The following HYAL1 variants were observed in gnomAD, a reference collection of about 807,000 sequenced individuals.
The protein encoded by HYAL1 is hyaluronidase 1.
In HYAL1, 21 loss-of-function variants were observed where a neutral mutation model predicts 28.8. That is an observed-to-expected ratio of 0.73 (90% confidence interval 0.52 to 1.05). The LOEUF (loss-of-function observed/expected upper bound fraction) is 1.05. Ranked by LOEUF, HYAL1 falls within the 50% of genes least tolerant of loss-of-function variation. HYAL1 has a pLI of 0.00. For synonymous variants in HYAL1, 200 were observed against 230.1 expected (o/e 0.87, Z 1.18); for missense variants, 491 against 579.2 (o/e 0.85, Z 1.56).
Position 50,302,634 on chromosome 3 carries a change from C to G in HYAL1, c.323G>C (p.Arg108Pro). ...GGCAGCCAGGATGTCCTGGAATGTGCGGGCCAGGTGGGCAATCAGGCTGGC... is the reference window on the plus strand; with the variant it reads ...GGCAGCCAGGATGTCCTGGAATGTGGGGGCCAGGTGGGCAATCAGGCTGGC... ...QNASLIAHLA[R>P]TFQDILAAIP... Residue 108 changes from arginine (R) to proline (P), a missense_variant, in exon 2 of 4, where the codon CGC (arginine) becomes CCC (proline). Arg to Pro is a moderately radical substitution (Grantham distance 103). Coordinates refer to ENST00000395144, the MANE Select transcript of HYAL1 (RefSeq NM_033159.4). The surrounding 1 kb of genome is among the most constrained non-coding windows in gnomAD (Gnocchi z 5.0). The G allele has an allele frequency of 6.2e-7, 1 of 1,614,138 alleles. No homozygotes were observed. The highest frequency in any genetic ancestry group is 8.5e-7 in the Non-Finnish European group (1 of 1,180,038).
intron 2 of HYAL1, 43 bp from the exon 3 acceptor site, chr3:50,301,120 C>T: frequency 7.7e-7 from 1 of 1,302,116 alleles, no homozygotes; most frequent in South Asian, 1.2e-5. Flanking sequence ...TCCTTCCCAC[C>T]ATGTGGCAGA....
Position 50,300,311 on chromosome 3 carries a change from C to G in HYAL1, c.*172G>C. On this transcript the variant is annotated 3_prime_UTR_variant, in exon 4 of 4. Coordinates refer to ENST00000395144, the MANE Select transcript of HYAL1 (RefSeq NM_033159.4). ...GCTGTGGTTCTAACTCCTTATGCCA[C>G]TATTCCAGTCTGTAAGTATGCATGT... The G allele has an allele frequency of 1.4e-6, 1 of 692,092 alleles. No homozygotes were observed. Among genetic ancestry groups the G allele is most frequent in the East Asian group, 2.7e-5 (1 of 36,856 alleles). The allele number at this position is 692,092 out of a possible 1,614,324, so 42.9% of individuals were successfully genotyped here. A position where few individuals can be genotyped will look rare whatever the true frequency, so the allele number is the denominator to read the frequency against.
rs183724616 is a variant in HYAL1, at chr3:50,310,420, C to T, written c.-309-643G>A. On this transcript the variant is annotated intron_variant, in intron 1 of 5. Coordinates refer to the HYAL1 transcript ENST00000320295. ...CTGGGACTACAGGCAACCACCACCA[C>T]GCCCGGCTATTTTTTTTTTGTATTT... Among the ~76,000 whole-genome samples the T allele has an allele frequency of 1.9e-4, 28 of 149,842 alleles. No homozygotes were observed. In the East Asian group the frequency reaches 4.3e-3, roughly 23 times the overall value.
upstream of HYAL1, among the ~76,000 whole-genome samples, chr3:50,307,691 A>C (rs1267377220): frequency 1.3e-5 from 2 of 149,680 alleles, no homozygotes; most frequent in Non-Finnish European, 1.5e-5. Context: ...AAAAAAAAAA[A>C]AAAAAAAAAA....
chr3:50,309,885 T>C (rs1702413142), intron 1 of HYAL1: 1 of 151,528 alleles, frequency 6.6e-6, no homozygotes, highest in Admixed American at 6.6e-5. Context: ...TCATGGGTAT[T>C]TGATGGCACA....
Position 50,302,085 on chromosome 3 carries a change from T to C in HYAL1, c.872A>G (p.Tyr291Cys), listed in dbSNP as rs782313024. 15 of 1,614,200 alleles carry C rather than the reference T, an allele frequency of 9.3e-6. No individual in the cohort carries two copies. The East Asian group carries it at 2.5e-4, about 26-fold the overall frequency. The change falls in exon 2 of 4, where the codon TAT (tyrosine) becomes TGT (cysteine). Residue 291 changes from tyrosine (Y) to cysteine (C), a missense_variant. Coordinates refer to ENST00000395144, the MANE Select transcript of HYAL1 (RefSeq NM_033159.4). The surrounding 1 kb of genome is among the most constrained non-coding windows in gnomAD (Gnocchi z 5.0). ...LPVLPYVQIF[Y>C]DTTNHFLPLD... is the part of the protein sequence containing the mutation. ...GGGCAGAAAGTGGTTTGTCGTGTCATAGAAGATCTGGACATAGGGCAGCAC... is the reference window on the plus strand; with the variant it reads ...GGGCAGAAAGTGGTTTGTCGTGTCACAGAAGATCTGGACATAGGGCAGCAC...
intron 1 of HYAL1, among the ~76,000 whole-genome samples, chr3:50,311,062 C>G (rs1702436781): frequency 6.6e-6 from 1 of 152,164 alleles, no homozygotes; most frequent in African/African-American, 2.4e-5. Context: ...TCCCACCTTT[C>G]TAGTCCACAA....
upstream of HYAL1, among the ~76,000 whole-genome samples, chr3:50,307,330 C>T (rs1259339234): frequency 6.6e-6 from 1 of 150,676 alleles, no homozygotes; most frequent in Non-Finnish European, 1.5e-5. Flanking sequence ...TGCCACTGCA[C>T]TCCAGCCTGG....
chr3:50,305,992 G>T (rs1702328652), upstream of HYAL1, among the ~76,000 whole-genome samples: 1 of 151,416 alleles, frequency 6.6e-6, no homozygotes, highest in Admixed American at 6.6e-5. Flanking sequence ...TAAATTAACT[G>T]AGAGCTGTCT....
rs1166847205 is a variant in HYAL1, at chr3:50,310,487, C to T, written c.-309-710G>A. Among the ~76,000 whole-genome samples the T allele has an allele frequency of 2.1e-4, 32 of 151,106 alleles. 1 individual carries two copies. Among genetic ancestry groups the T allele is most frequent in the Non-Finnish European group, 7.4e-5 (5 of 67,920 alleles). On this transcript the variant is annotated intron_variant, in intron 1 of 5. Transcript: ENST00000320295. ...TTCACCGTGTTAGCCAGAATGGTCT[C>T]GATCTCCTGACCTCGTGATCTGCCC...
At chr3:50,304,299 ATATATATATATATAT>A (rs1702290838), upstream of HYAL1, among the ~76,000 whole-genome samples, 23 of 27,830 alleles carry the variant, frequency 8.3e-4, no homozygotes, top group East Asian at 3.9e-3. Flanking sequence ...AAAAAAAAAT[ATATATATATATATAT>A]ATATATATAT....
intron 2 of HYAL1, 55 bp from the exon 3 acceptor site, chr3:50,301,132 T>A (rs1575513481): frequency 1.0e-5 from 12 of 1,180,722 alleles, no homozygotes; most frequent in Admixed American, 1.8e-5. Flanking sequence ...TGTGGCAGAC[T>A]GCTGGAACAC....
At chr3:50,311,818 C>G (rs1395219567) in intron 1 of HYAL1, among the ~76,000 whole-genome samples, 5 of 141,764 alleles carry the variant, frequency 3.5e-5, no homozygotes, top group Admixed American at 7.0e-5. Flanking sequence ...CCTCACCTCC[C>G]GGATGGGGCG....
upstream of HYAL1, chr3:50,304,070 A>G (rs1426488880): frequency 6.6e-6 from 1 of 151,814 alleles, no homozygotes; most frequent in East Asian, 1.9e-4. Context: ...GATCGAGACC[A>G]TCCCGGCTAA....
chr3:50,309,962 ATT>A (rs1553714533), intron 1 of HYAL1, among the ~76,000 whole-genome samples: 1 of 151,494 alleles, frequency 6.6e-6, no homozygotes, highest in Non-Finnish European at 1.5e-5. Context: ...AAAATAAATT[ATT>A]CTTGCTGCAC....
rs1460411748 is a variant in HYAL1 at position 50,303,181 on chromosome 3, C to CA, written c.-24-202dup. 4 of 507,392 alleles carry CA rather than the reference C, an allele frequency of 7.9e-6. No individual in the cohort carries two copies. In the Admixed American group the frequency reaches 1.4e-4, roughly 18 times the overall value. The allele number at this position is 507,392 out of a possible 1,614,324, so 31.4% of individuals were successfully genotyped here. ...TGGAGGGCACATCCGAGTTGCCTCT[C>CA]AGACCAGGCCTCTGCCATCTCCCAC... On this transcript the variant is annotated intron_variant, in intron 1 of 3. Transcript: ENST00000395144.
At chr3:50,310,512 C>T (rs193294475) in intron 1 of HYAL1, among the ~76,000 whole-genome samples, 13 of 145,572 alleles carry the variant, frequency 8.9e-5, no homozygotes, top group African/African-American at 1.4e-4. Context: ...GTGATCTGCC[C>T]GCCTCGGCCT....
chr3:50,311,298 G>A (rs1199020643), intron 1 of HYAL1, among the ~76,000 whole-genome samples: 9 of 140,370 alleles, frequency 6.4e-5, no homozygotes, highest in Non-Finnish European at 7.9e-5. Context: ...CGGACGGGGC[G>A]GCTGGCCGGG....
At chr3:50,304,299 ATATATATATATAT>A (rs1702290775), upstream of HYAL1, among the ~76,000 whole-genome samples, 47 of 27,822 alleles carry the variant, frequency 1.7e-3, 2 homozygotes, top group East Asian at 0.032. Context: ...AAAAAAAAAT[ATATATATATATAT>A]ATATATATAT....
Sources: gnomAD v4.1 joint callset for allele counts (sites outside exome capture counted in the v4.1 genomes callset) on GRCh38, gnomAD v4.1.1 for gene constraint, Gnocchi (gnomAD v3.1) non-coding constraint, MANE v1.5 for transcripts, NCBI Gene and HGNC (gene_info 2026-07-23, HGNC 2026-07-21) for gene names.